Variants in ARHGAP12 observed in about 807,000 individuals in gnomAD.
The protein encoded by ARHGAP12 is rho GTPase-activating protein 12.
In ARHGAP12, 64 loss-of-function variants were observed where a neutral mutation model predicts 108.6. That is an observed-to-expected ratio of 0.59 (90% CI 0.48 to 0.73). The LOEUF is 0.73. Ranked by LOEUF, ARHGAP12 falls within the 30% of genes least tolerant of loss-of-function variation. The pLI is 0.00. For missense variants in ARHGAP12, 940 were observed against 1,005.9 expected (o/e 0.93, Z 0.89); for synonymous variants, 312 against 337.2 (o/e 0.93, Z 0.82).
chr10:31,908,118 C>T, intron 3 of ARHGAP12, 54 bp downstream of exon 3: 2 of 1,457,294 alleles, frequency 1.4e-6, no homozygotes, highest in South Asian at 1.4e-5. Flanking sequence ...AAAACTATAA[C>T]TAATATTTTC....
intron 1 of ARHGAP12, among the ~76,000 whole-genome samples, chr10:31,915,328 G>C (rs1306840514): frequency 6.6e-6 from 1 of 151,606 alleles, no homozygotes; most frequent in East Asian, 1.9e-4. Context: ...GGAGGTCGTG[G>C]TGGGCCAAGA....
chr10:31,888,566 T>C (rs1045333218), intron 3 of ARHGAP12, among the ~76,000 whole-genome samples: 25 of 152,058 alleles, frequency 1.6e-4, no homozygotes, highest in Admixed American at 2.6e-4. Context: ...ATCCTGACAG[T>C]GAACAAGGCC....
At chr10:31,907,178 A>G (rs2797403) in intron 3 of ARHGAP12, among the ~76,000 whole-genome samples, 117,205 of 152,144 alleles carry the variant, frequency 0.77, 46,149 homozygotes, top group African/African-American at 0.94. Flanking sequence ...TTACAACAGA[A>G]CTTCAAGCCA....
chr10:31,808,556 G>T, intron 19 of ARHGAP12, 93 bp downstream of exon 19: 2 of 1,056,316 alleles, frequency 1.9e-6, no homozygotes, highest in Non-Finnish European at 2.8e-6. Context: ...GCATAGCTGG[G>T]ATCCAAATCT....
At chr10:31,858,512 G>C (rs189863949) in intron 4 of ARHGAP12, among the ~76,000 whole-genome samples, 1 of 152,238 alleles carries the variant, frequency 6.6e-6, no homozygotes. Flanking sequence ...GAGCCCAGGA[G>C]TTTGAGCGTT....
intron 1 of ARHGAP12, among the ~76,000 whole-genome samples, chr10:31,914,931 C>G (rs1327787379): frequency 6.6e-6 from 1 of 152,160 alleles, no homozygotes; most frequent in African/African-American, 2.4e-5. Flanking sequence ...TACACACATA[C>G]ACACAACAGG....
At chr10:31,888,257 A>G (rs543710091) in intron 3 of ARHGAP12, among the ~76,000 whole-genome samples, 1 of 151,974 alleles carries the variant, frequency 6.6e-6, no homozygotes, top group African/African-American at 2.4e-5. Flanking sequence ...ACAAACTACT[A>G]CTTCTCTGGG....
At chr10:31,917,486 C>G (rs1363155983) in intron 1 of ARHGAP12, among the ~76,000 whole-genome samples, 1 of 152,172 alleles carries the variant, frequency 6.6e-6, no homozygotes, top group Non-Finnish European at 1.5e-5. Flanking sequence ...ACAACTTATT[C>G]TAGAAGAAAA....
intron 1 of ARHGAP12, among the ~76,000 whole-genome samples, chr10:31,921,763 C>CAAAAAAAAA (rs57420280): frequency 7.9e-5 from 3 of 37,928 alleles, no homozygotes; most frequent in African/African-American, 2.6e-4. Flanking sequence ...GGCTCCATCT[C>CAAAAAAAAA]AAAAAAAAAA....
At chr10:31,921,998 TG>T (rs1280676963) in intron 1 of ARHGAP12, among the ~76,000 whole-genome samples, 1 of 151,236 alleles carries the variant, frequency 6.6e-6, no homozygotes, top group East Asian at 2.0e-4. Context: ...AATGCCACCC[TG>T]GGCAACGTGG....
At chr10:31,807,875 G>A in intron 19 of ARHGAP12, 43 bp from the exon 20 acceptor site, 1 of 1,383,964 alleles carries the variant, frequency 7.2e-7, no homozygotes, top group Non-Finnish European at 9.6e-7. Flanking sequence ...AAATAAGAGA[G>A]AGGGAAAATT....
chr10:31,865,289 G>T (rs1163421269), intron 3 of ARHGAP12, among the ~76,000 whole-genome samples: 1 of 152,080 alleles, frequency 6.6e-6, no homozygotes, highest in Non-Finnish European at 1.5e-5. Flanking sequence ...AAGATGAAGA[G>T]AGCTGCAATA....
At position 31,853,168 on chromosome 10, in the gene ARHGAP12, C is replaced by T. The variant is rs191534743; in HGVS notation, c.1090-571G>A. On this transcript the variant is annotated intron_variant, in intron 5 of 19. Coordinates refer to ENST00000344936, the MANE Select transcript of ARHGAP12 (RefSeq NM_018287.7). ...GGCTAGCTGCTCAAGCACCACTTAA[C>T]AACAAGCAACATATAACATACGATG... 4.6e-5 allele frequency among the ~76,000 whole-genome samples: 7 copies of T among 152,310 alleles called. No homozygotes were observed. The East Asian group carries it at 1.3e-3, about 29-fold the overall frequency.
intron 6 of ARHGAP12, among the ~76,000 whole-genome samples, chr10:31,849,935 T>C (rs1026179246): frequency 1.3e-5 from 2 of 152,222 alleles, no homozygotes; most frequent in African/African-American, 4.8e-5. Flanking sequence ...AAGGAAATTA[T>C]AGAATTGAGT....
chr10:31,848,798 C>T (rs1350355850), intron 6 of ARHGAP12, among the ~76,000 whole-genome samples: 8 of 152,092 alleles, frequency 5.3e-5, no homozygotes, highest in South Asian at 2.1e-4. Context: ...TTCGGCTAGG[C>T]GCGGTGGCTC....
chr10:31,918,355 ACAC>A (rs1839650991), intron 1 of ARHGAP12, among the ~76,000 whole-genome samples: 2 of 142,676 alleles, frequency 1.4e-5, no homozygotes, highest in Admixed American at 1.4e-4. Context: ...ACACACACAC[ACAC>A]ACCAATGAGA....
chr10:31,860,252 T>C (rs1385422927), intron 4 of ARHGAP12, among the ~76,000 whole-genome samples: 1 of 152,168 alleles, frequency 6.6e-6, no homozygotes, highest in African/African-American at 2.4e-5. Context: ...ACAAGATGTG[T>C]TCCCTGATTT....
chr10:31,889,715 C>G (rs534602327), intron 3 of ARHGAP12, among the ~76,000 whole-genome samples: 1 of 143,820 alleles, frequency 7.0e-6, no homozygotes, highest in Non-Finnish European at 1.5e-5. Flanking sequence ...CAACCTTTGC[C>G]TCCTGGGTTC....
At chr10:31,813,706 G>A (rs1835099481) in intron 14 of ARHGAP12, among the ~76,000 whole-genome samples, 1 of 152,152 alleles carries the variant, frequency 6.6e-6, no homozygotes, top group Non-Finnish European at 1.5e-5. Context: ...GCCTATTTAA[G>A]CAATGTAATT....
Sources: allele counts gnomAD v4.1 joint callset (sites outside exome capture counted in the v4.1 genomes callset), GRCh38; gene constraint gnomAD v4.1.1; transcripts MANE v1.5; gene names NCBI Gene and HGNC (gene_info 2026-07-23, HGNC 2026-07-21).